PRDM2: variants seen among roughly 807,000 people sequenced by gnomAD.
PRDM2 encodes the protein PR/SET domain 2, also known as PR domain zinc finger protein 2.
PRDM2 carries 30 observed loss-of-function variants against 130.0 expected under a neutral mutation model. That is an observed-to-expected ratio of 0.23 (90% CI 0.17 to 0.31). PRDM2 has a LOEUF of 0.31. PRDM2 is among the 10% of genes least tolerant of loss of function. The pLI, the probability that PRDM2 is intolerant of heterozygous loss-of-function variation, is 1.00. For missense variants in PRDM2, 2,011 were observed against 2,108.4 expected (o/e 0.95, Z 0.90); for synonymous variants, 871 against 782.4 (o/e 1.11, Z -1.89).
At chr1:13,775,012 A>G (rs1569978175) in intron 7 of PRDM2, among the ~76,000 whole-genome samples, 1 of 150,986 alleles carries the variant, frequency 6.6e-6, no homozygotes, top group African/African-American at 2.4e-5. Flanking sequence ...TTCACCCCCC[A>G]GTATTTGGCA....
chr1:13,761,531 C>T (rs1365863581), intron 6 of PRDM2, among the ~76,000 whole-genome samples: 1 of 152,124 alleles, frequency 6.6e-6, no homozygotes, highest in African/African-American at 2.4e-5. Context: ...AGGTACATTC[C>T]TTCTGTTGAT....
chr1:13,719,332 G>T (rs2100428605), intron 2 of PRDM2, among the ~76,000 whole-genome samples: 1 of 152,350 alleles, frequency 6.6e-6, no homozygotes, highest in South Asian at 2.1e-4. Flanking sequence ...GAGCTTGGTA[G>T]TTCATGAAAC....
rs370418276 is a variant in PRDM2, at chr1:13,816,444, C to T, written c.5054C>T (p.Ala1685Val). Residue 1685 changes from alanine to valine, a missense_variant, in exon 9 of 10, where the codon GCG becomes GTG. Ala to Val is a moderately conservative substitution (Grantham distance 64). Transcript: ENST00000311066. ...CTGCACAGCTACAGCCTCCGCTTGGCGTCCCGATGCTCTCCACCAGCGGCC... is the reference window on the plus strand; with the variant it reads ...CTGCACAGCTACAGCCTCCGCTTGGTGTCCCGATGCTCTCCACCAGCGGCC... ...LKDFSYSLRL[A>V]SRCSPPAAPY... 8.7e-6 allele frequency: 14 copies of T among 1,613,988 alleles called. No homozygotes were observed. The highest frequency in any genetic ancestry group is 2.2e-5 in the East Asian group (1 of 44,898).
chr1:13,708,579 G>A (rs543016194), intron 1 of PRDM2, among the ~76,000 whole-genome samples: 1 of 152,244 alleles, frequency 6.6e-6, no homozygotes, highest in Admixed American at 6.5e-5. Flanking sequence ...CTATGCATTC[G>A]GGGAGTCAGG....
intron 8 of PRDM2, chr1:13,787,152 T>C: frequency 1.0e-6 from 1 of 985,256 alleles, no homozygotes. Context: ...CCTATTCTGG[T>C]GTTGCGTTTG....
rs184906398 is a variant in PRDM2, at chr1:13,724,788, A to C, written c.10-6212A>C. Among the ~76,000 whole-genome samples, 447 of 152,350 alleles carry C rather than the reference A, an allele frequency of 2.9e-3. 1 individual carries two copies. Among genetic ancestry groups the C allele is most frequent in the South Asian group, 7.0e-3 (34 of 4,824 alleles). ...GCTTATTTTTAAGGGAAAATGTATA[A>C]AACAAAGTATGGAAGAAAAAGATAT... On this transcript the variant is annotated intron_variant, in intron 2 of 9. Coordinates refer to ENST00000311066, the MANE Select transcript of PRDM2 (RefSeq NM_001393986.1).
chr1:13,741,229 C>G (rs550432409), intron 4 of PRDM2, among the ~76,000 whole-genome samples: 1 of 152,270 alleles, frequency 6.6e-6, no homozygotes, highest in East Asian at 1.9e-4. Context: ...CTGGAAGCAT[C>G]TGTGGGAGGA....
rs1645039242 is a variant in PRDM2, at chr1:13,803,434, G to C, written c.5037-12993G>C. 1.3e-5 allele frequency among the ~76,000 whole-genome samples: 2 copies of C among 152,180 alleles called. No individual in the cohort carries two copies. The highest frequency in any genetic ancestry group is 4.1e-4 in the South Asian group (2 of 4,824). On this transcript the variant is annotated intron_variant, in intron 8 of 9. Transcript: ENST00000311066. The surrounding 1 kb of genome is among the most constrained non-coding windows in gnomAD (Gnocchi z 6.2). ...CCAGTGGGGGAGCCAGGTGGGTAGA[G>C]CCAGTTACAGAGATCTGAGTGCCCT... is the stretch of plus-strand genomic sequence containing the variant.
At chr1:13,778,280 A>G in intron 7 of PRDM2, 138 bp from the exon 8 acceptor site, 1 of 896,950 alleles carries the variant, frequency 1.1e-6, no homozygotes, top group Non-Finnish European at 1.7e-6. Context: ...TATATAAAGT[A>G]GAAGTAATTT....
chr1:13,786,333 G>A (rs901274475), intron 8 of PRDM2, among the ~76,000 whole-genome samples: 4 of 152,106 alleles, frequency 2.6e-5, no homozygotes, highest in Non-Finnish European at 4.4e-5. Context: ...AAATAAATGC[G>A]TGTAGTTCCT....
chr1:13,780,978 CTCTTCGTTTTCT>C lies in PRDM2; in HGVS notation c.3189_3200del (p.Phe1064_Ser1067del), dbSNP rs1303229237. ...CTTCCTCCTCTTCATCTTCCTCCTCCTCTTCGTTTTCTTCTTCATCTTCCTCCTCTTCTCCTT... is the reference window on the plus strand; with the variant it reads ...CTTCCTCCTCTTCATCTTCCTCCTCCTCTTCATCTTCCTCCTCTTCTCCTT... On this transcript the variant is annotated inframe_deletion, in exon 8 of 10. Coordinates refer to ENST00000311066, the MANE Select transcript of PRDM2 (RefSeq NM_001393986.1). The C allele has an allele frequency of 1.9e-6, 3 of 1,601,782 alleles. No individual in the cohort carries two copies. Among genetic ancestry groups the C allele is most frequent in the Non-Finnish European group, 2.6e-6 (3 of 1,169,062 alleles).
chr1:13,723,894 G>C (rs1333036338), intron 2 of PRDM2, among the ~76,000 whole-genome samples: 2 of 152,216 alleles, frequency 1.3e-5, no homozygotes, highest in Non-Finnish European at 2.9e-5. Flanking sequence ...GTATCGAGGC[G>C]AGTAAGCACA....
chr1:13,808,522 T>TA (rs1458323733), intron 8 of PRDM2, among the ~76,000 whole-genome samples: 3 of 151,632 alleles, frequency 2.0e-5, no homozygotes, highest in Non-Finnish European at 2.9e-5. Flanking sequence ...TCTTGATGTC[T>TA]AGGATTGAGG....
At chr1:13,768,132 C>T (rs575048002) in intron 6 of PRDM2, among the ~76,000 whole-genome samples, 5 of 146,772 alleles carry the variant, frequency 3.4e-5, no homozygotes, top group South Asian at 2.2e-4. Flanking sequence ...GGCTGGAGTC[C>T]GGTGGCGTGA....
chr1:13,768,318 C>T (rs531902521), intron 6 of PRDM2, among the ~76,000 whole-genome samples: 19 of 151,608 alleles, frequency 1.3e-4, no homozygotes, highest in African/African-American at 4.4e-4. Context: ...CTCCTGACCT[C>T]GTGATCTGCC....
At chr1:13,740,832 C>A (rs1309533780) in intron 4 of PRDM2, among the ~76,000 whole-genome samples, 1 of 152,156 alleles carries the variant, frequency 6.6e-6, no homozygotes, top group Non-Finnish European at 1.5e-5. Flanking sequence ...AATCACAGGC[C>A]TAGACACCCA....
At chr1:13,732,685 C>G in intron 3 of PRDM2, 94 bp from the exon 4 acceptor site, 1 of 888,252 alleles carries the variant, frequency 1.1e-6, no homozygotes, top group Non-Finnish European at 1.7e-6. Flanking sequence ...GCAGTCTAGC[C>G]TTTTAACTGT....
rs1645082553 is a variant in PRDM2, at chr1:13,806,129, C to G, written c.5037-10298C>G. ...GGTTTCCAGTCCCATCTCCCTTGGCCCATCTGCGGCAGTGGACGCTGTTAA... is the reference window on the plus strand; with the variant it reads ...GGTTTCCAGTCCCATCTCCCTTGGCGCATCTGCGGCAGTGGACGCTGTTAA... On this transcript the variant is annotated intron_variant, in intron 8 of 9. Coordinates refer to ENST00000311066, the MANE Select transcript of PRDM2 (RefSeq NM_001393986.1). This position sits in a 1 kb window ranked among gnomAD's most constrained non-coding sequence, Gnocchi z 4.1. 6.6e-6 allele frequency among the ~76,000 whole-genome samples: 1 copy of G among 151,950 alleles called. No homozygotes were observed. Among genetic ancestry groups the G allele is most frequent in the Non-Finnish European group, 1.5e-5 (1 of 67,976 alleles).
At chr1:13,772,181 C>T (rs1644374860) in intron 6 of PRDM2, 1 of 152,038 alleles carries the variant, frequency 6.6e-6, no homozygotes, top group South Asian at 2.1e-4. Flanking sequence ...GATCTGAAGA[C>T]TGAAACACCA....
Sources: gnomAD v4.1 joint callset for allele counts (sites outside exome capture counted in the v4.1 genomes callset) on GRCh38, gnomAD v4.1.1 for gene constraint, Gnocchi (gnomAD v3.1) non-coding constraint, MANE v1.5 for transcripts, NCBI Gene and HGNC (gene_info 2026-07-23, HGNC 2026-07-21) for gene names.